Variants in IFT140 observed in about 807,000 individuals in gnomAD.
IFT140 encodes intraflagellar transport protein 140 homolog.
In IFT140, 133 loss-of-function variants were observed where a neutral mutation model predicts 164.6. The ratio of observed to expected loss-of-function variants is 0.81; its 90% CI spans 0.70 to 0.93. The LOEUF (loss-of-function observed/expected upper bound fraction) is 0.93, where lower values mean the gene tolerates loss of function less well. IFT140 is among the 40% of genes least tolerant of loss of function. The pLI, the probability that IFT140 is intolerant of heterozygous loss-of-function variation, is 0.00. For synonymous variants in IFT140, 860 were observed against 817.3 expected, an observed-to-expected ratio of 1.05 and a Z score of -0.89; for missense variants, 2,045 against 1,972.3, an observed-to-expected ratio of 1.04 and a Z score of -0.70.
chr16:1,568,686 G>A (rs1014471148), intron 14 of IFT140, among the ~76,000 whole-genome samples: 62 of 152,148 alleles, frequency 4.1e-4, no homozygotes, highest in African/African-American at 1.4e-3. Context: ...GCCAGGAGGC[G>A]GAGGTTGCAG....
rs750265194 is a variant in IFT140, at chr16:1,587,426, C to G, written c.903-122G>C. 8.1e-5 allele frequency: 54 copies of G among 665,966 alleles called. 1 individual carries two copies. The highest frequency in any genetic ancestry group is 1.2e-4 in the Non-Finnish European group (45 of 375,784). The allele number at this position is 665,966 out of a possible 1,614,324, so 41.3% of individuals were successfully genotyped here. On this transcript the variant is annotated intron_variant, in intron 8 of 30. Coordinates refer to ENST00000426508, the MANE Select transcript of IFT140 (RefSeq NM_014714.4). ...GAAAAAGACATAGTTCATCAGACTC[C>G]TGATATGAAAACGAACACTGCTGTT... is the stretch of plus-strand genomic sequence containing the variant.
intron 5 of IFT140, 47 bp downstream of exon 5, chr16:1,592,420 C>A (rs1208790323): frequency 1.2e-6 from 2 of 1,611,498 alleles, no homozygotes; most frequent in Middle Eastern, 1.7e-4. Context: ...TCCCACCTCC[C>A]CCGATGTAAA....
chr16:1,572,503 G>A (rs1199463952), intron 13 of IFT140, among the ~76,000 whole-genome samples: 4 of 152,142 alleles, frequency 2.6e-5, no homozygotes, highest in Non-Finnish European at 5.9e-5. Context: ...AAAATTAGCC[G>A]GGTGTGGCGG....
intron 16 of IFT140, among the ~76,000 whole-genome samples, chr16:1,565,226 A>C (rs1029084580): frequency 6.6e-6 from 1 of 152,164 alleles, no homozygotes; most frequent in Non-Finnish European, 1.5e-5. Flanking sequence ...GACTAGAGGA[A>C]GGGTTCGAGG....
intron 19 of IFT140, among the ~76,000 whole-genome samples, chr16:1,543,851 A>C (rs1039515739): frequency 6.6e-6 from 1 of 152,200 alleles, no homozygotes; most frequent in African/African-American, 2.4e-5. Flanking sequence ...CGCGTGCAGG[A>C]ATCGGAAATG....
At chr16:1,530,286 C>G (rs2141212550) in intron 19 of IFT140, among the ~76,000 whole-genome samples, 1 of 151,980 alleles carries the variant, frequency 6.6e-6, no homozygotes, top group Admixed American at 6.5e-5. Flanking sequence ...GCATGCGCCA[C>G]CACACCCAGC....
intron 19 of IFT140, among the ~76,000 whole-genome samples, chr16:1,549,497 C>A (rs996550550): frequency 2.0e-5 from 3 of 152,222 alleles, no homozygotes; most frequent in Admixed American, 1.3e-4. Flanking sequence ...CGTGCAATCT[C>A]GGCTCACCGC....
chr16:1,516,143 A>T (rs2040333299), intron 30 of IFT140, among the ~76,000 whole-genome samples: 1 of 39,398 alleles, frequency 2.5e-5, no homozygotes, highest in Non-Finnish European at 4.1e-5. Context: ...CTGTCTCAAA[A>T]AAAAAAAAAA....
Position 1,510,598 on chromosome 16 carries a change from G to A in IFT140, c.*346C>T, listed in dbSNP as rs981359201. 5.2e-6 allele frequency: 2 copies of A among 384,258 alleles called. No homozygotes were observed. The highest frequency in any genetic ancestry group is 9.5e-6 in the Non-Finnish European group (2 of 210,544). The allele number at this position is 384,258 out of a possible 1,614,324, so 23.8% of individuals were successfully genotyped here. ...ATGTGTGGGGAGCAGGGGGGCAGGTGCCCCAGCCCTCCAGCTGCAGCTTCC... is the reference window on the plus strand; with the variant it reads ...ATGTGTGGGGAGCAGGGGGGCAGGTACCCCAGCCCTCCAGCTGCAGCTTCC... On this transcript the variant is annotated 3_prime_UTR_variant, in exon 31 of 31. Transcript: ENST00000426508.
chr16:1,587,349 G>T, intron 8 of IFT140, 45 bp from the exon 9 acceptor site: 1 of 1,273,130 alleles, frequency 7.9e-7, no homozygotes, highest in Non-Finnish European at 1.1e-6. Context: ...TGTGTTAGTG[G>T]CGTTTCCCTC....
intron 4 of IFT140, among the ~76,000 whole-genome samples, chr16:1,597,866 C>G (rs1434130913): frequency 1.3e-5 from 2 of 152,186 alleles, no homozygotes; most frequent in Non-Finnish European, 2.9e-5. Flanking sequence ...AAGTGATTCT[C>G]CTGACTCGGC....
chr16:1,568,184 C>T (rs769829931), intron 15 of IFT140, 33 bp downstream of exon 15: 18 of 1,473,972 alleles, frequency 1.2e-5, no homozygotes, highest in African/African-American at 4.2e-5. Flanking sequence ...GGTGAGGAGG[C>T]GGAGTGGGCG....
At chr16:1,515,108 G>A (rs993338191) in intron 30 of IFT140, among the ~76,000 whole-genome samples, 7 of 152,014 alleles carry the variant, frequency 4.6e-5, no homozygotes, top group African/African-American at 1.4e-4. Context: ...AGATATGGAA[G>A]ACCTAACATT....
chr16:1,579,460 G>A (rs1158579622), intron 13 of IFT140: 1 of 152,232 alleles, frequency 6.6e-6, no homozygotes, highest in Non-Finnish European at 1.5e-5. Flanking sequence ...CTCACCCTCA[G>A]AGCCTCCAGA....
chr16:1,550,068 G>A (rs1371362234), intron 19 of IFT140, among the ~76,000 whole-genome samples: 1 of 152,096 alleles, frequency 6.6e-6, no homozygotes, highest in African/African-American at 2.4e-5. Context: ...CTCCTGAATA[G>A]CTGAGGCTAC....
intron 4 of IFT140, among the ~76,000 whole-genome samples, chr16:1,595,127 T>C (rs1291568113): frequency 6.6e-6 from 1 of 151,382 alleles, no homozygotes; most frequent in African/African-American, 2.4e-5. Flanking sequence ...CTACTAAAAA[T>C]ACAAAAGATT....
chr16:1,515,041 A>G (rs1420566106), intron 30 of IFT140, among the ~76,000 whole-genome samples: 1 of 152,172 alleles, frequency 6.6e-6, no homozygotes, highest in Non-Finnish European at 1.5e-5. Context: ...ATACAAATTA[A>G]TCCAAAGGAC....
chr16:1,519,960 T>TCTTGGC lies in IFT140; in HGVS notation c.3955_3960dup (p.Ala1319_Lys1320dup), dbSNP rs746697405. ...AGCCTGGTCTCCTGGTCCAGGGGGC[T>TCTTGGC]CTTGGCCTTGGCCTTGGCCAGGCAC... On this transcript the variant is annotated inframe_insertion, in exon 29 of 31. Transcript: ENST00000426508. 14 of 1,607,022 alleles carry TCTTGGC rather than the reference T, an allele frequency of 8.7e-6. No homozygotes were observed. Among genetic ancestry groups the TCTTGGC allele is most frequent in the Admixed American group, 8.6e-5 (5 of 58,300 alleles).
intron 3 of IFT140, among the ~76,000 whole-genome samples, chr16:1,606,850 A>G (rs901041899): frequency 4.6e-5 from 7 of 151,998 alleles, no homozygotes; most frequent in Admixed American, 1.3e-4. Context: ...ACACGTGTGC[A>G]CACACACGCA....
Sources: gnomAD v4.1 joint callset for allele counts (sites outside exome capture counted in the v4.1 genomes callset) on GRCh38, gnomAD v4.1.1 for gene constraint, MANE v1.5 for transcripts, NCBI Gene and HGNC (gene_info 2026-07-23, HGNC 2026-07-21) for gene names.